KIF2A: variants seen among roughly 807,000 people sequenced by gnomAD.
The protein encoded by KIF2A is kinesin family member 2A.
In KIF2A, 22 loss-of-function variants were observed where a neutral mutation model predicts 100.2. The observed-to-expected ratio is 0.22, with a 90% CI of 0.16 to 0.31. The LOEUF is 0.31. Among genes scored for constraint, KIF2A ranks in the 10% least tolerant of loss-of-function variants. The probability of loss-of-function intolerance (pLI) is 1.00; values close to 1 mark genes in which losing one functional copy is unlikely to be tolerated. For missense variants in KIF2A, 495 were observed against 898.7 expected (o/e 0.55, Z 5.74); for synonymous variants, 268 against 285.9 (o/e 0.94, Z 0.63).
In KIF2A at chr5:62,351,983, G is replaced by A. The variant is rs139958635; in HGVS notation, c.335-605G>A. On this transcript the variant is annotated intron_variant, in intron 4 of 20. Coordinates refer to ENST00000407818, the MANE Select transcript of KIF2A (RefSeq NM_001098511.3). ...AGCCTGACCAATATGGTGAAACCTC[G>A]TCTCTACTAAAATTACAAAAATGAG... 9.7e-3 allele frequency among the ~76,000 whole-genome samples: 1,472 copies of A among 152,016 alleles called. 29 individuals carry two copies. Among genetic ancestry groups the A allele is most frequent in the African/African-American group, 0.034 (1,416 of 41,476 alleles).
intron 1 of KIF2A, among the ~76,000 whole-genome samples, chr5:62,337,321 C>G (rs1747014176): frequency 6.6e-6 from 1 of 151,870 alleles, no homozygotes. Flanking sequence ...GTGAAACCCC[C>G]TCTCTACTAA....
In KIF2A at chr5:62,347,180, G is replaced by A. The variant is rs922141597; in HGVS notation, c.115G>A (p.Val39Ile). ...VTSLNEDNES[V>I]TVEWIENGDT... ...ATCTTTAAATGAAGATAATGAAAGT[G>A]TAACTGTTGAATGGATAGAAAATGG... Residue 39 changes from valine to isoleucine, a missense_variant, in exon 2 of 21, where the codon GTA (valine) becomes ATA (isoleucine). Coordinates refer to ENST00000407818, the MANE Select transcript of KIF2A (RefSeq NM_001098511.3). 1.9e-6 allele frequency: 3 copies of A among 1,602,724 alleles called. No homozygotes were observed. Among genetic ancestry groups the A allele is most frequent in the Admixed American group, 1.7e-5 (1 of 59,056 alleles).
chr5:62,366,991 A>ATT (rs955671823), intron 16 of KIF2A, among the ~76,000 whole-genome samples: 3 of 152,104 alleles, frequency 2.0e-5, no homozygotes, highest in Admixed American at 2.0e-4. Flanking sequence ...TTGGGAAGGG[A>ATT]TTGATAACTT....
intron 4 of KIF2A, 23 bp downstream of exon 4, chr5:62,350,143 A>G: frequency 1.4e-6 from 2 of 1,412,868 alleles, no homozygotes; most frequent in Non-Finnish European, 2.0e-6. Context: ...TTTATCTCTT[A>G]ATTTTGGCTA....
intron 20 of KIF2A, among the ~76,000 whole-genome samples, chr5:62,381,845 G>A (rs1230249216): frequency 3.3e-5 from 5 of 152,236 alleles, no homozygotes; most frequent in African/African-American, 1.2e-4. Flanking sequence ...TTACAGGCAT[G>A]AGCCACCACA....
intron 1 of KIF2A, among the ~76,000 whole-genome samples, chr5:62,324,908 A>G (rs1298075237): frequency 6.6e-6 from 1 of 152,242 alleles, no homozygotes; most frequent in Non-Finnish European, 1.5e-5. Context: ...CAGAGTAAAC[A>G]GACAACCTAC....
At chr5:62,330,694 T>C (rs1216160945) in intron 1 of KIF2A, among the ~76,000 whole-genome samples, 1 of 152,216 alleles carries the variant, frequency 6.6e-6, no homozygotes, top group East Asian at 1.9e-4. Flanking sequence ...ATAACTAGAT[T>C]TTATTAGCAT....
chr5:62,338,521 C>T (rs264519), intron 1 of KIF2A, among the ~76,000 whole-genome samples: 77,991 of 151,972 alleles, frequency 0.51, 20,940 homozygotes, highest in South Asian at 0.65. Context: ...AACTCCTAAT[C>T]TCAAGTGATC....
Position 62,374,755 on chromosome 5 carries a change from C to T in KIF2A, c.1911+918C>T, listed in dbSNP as rs576289570. Among the ~76,000 whole-genome samples the T allele has an allele frequency of 2.6e-5, 4 of 152,192 alleles. No homozygotes were observed. The South Asian group carries it at 8.3e-4, about 32-fold the overall frequency. On this transcript the variant is annotated intron_variant, in intron 18 of 20. Coordinates refer to ENST00000407818, the MANE Select transcript of KIF2A (RefSeq NM_001098511.3). ...GACCAGCCTGGCCAACATGGTAAAA[C>T]CTGTGTCTACTAACTACAAAAATTA...
chr5:62,363,384 A>ATTTTGTTAT, intron 13 of KIF2A, 64 bp downstream of exon 13: 1 of 1,424,572 alleles, frequency 7.0e-7, no homozygotes, highest in Non-Finnish European at 9.6e-7. Flanking sequence ...CAGTATAACA[A>ATTTTGTTAT]AATGAGGATG....
At position 62,350,107 on chromosome 5, in the gene KIF2A, A is replaced by G. The variant is rs1747776323; in HGVS notation, c.321A>G (p.Ser107=). ...TVASIKNDPP[S]RDNRVVGSAR... is the part of the protein sequence containing the mutation. Reference sequence around the variant, plus strand: ...CTTCTATTAAGAATGACCCTCCTTCAAGAGATAATAGAGGTAAAGTAAAAA... The same window carrying G: ...CTTCTATTAAGAATGACCCTCCTTCGAGAGATAATAGAGGTAAAGTAAAAA... The change falls in exon 4 of 21, where the codon TCA becomes TCG. Residue 107 remains serine, a synonymous_variant. Coordinates refer to ENST00000407818, the MANE Select transcript of KIF2A (RefSeq NM_001098511.3). The G allele has an allele frequency of 2.5e-6, 4 of 1,583,644 alleles. No homozygotes were observed. The highest frequency in any genetic ancestry group is 1.8e-5 in the Admixed American group (1 of 55,504).
At chr5:62,339,498 G>T (rs1166688262) in intron 1 of KIF2A, among the ~76,000 whole-genome samples, 2 of 80,788 alleles carry the variant, frequency 2.5e-5, no homozygotes, top group African/African-American at 4.9e-5. Flanking sequence ...GAAGAGAAAA[G>T]TTTTATATAT....
intron 1 of KIF2A, among the ~76,000 whole-genome samples, chr5:62,315,948 G>A (rs1047462537): frequency 2.0e-5 from 3 of 152,114 alleles, no homozygotes; most frequent in African/African-American, 7.2e-5. Context: ...CTGAATAAAG[G>A]GCAGATGAGT....
At chr5:62,345,320 G>A (rs950995763) in intron 1 of KIF2A, among the ~76,000 whole-genome samples, 3 of 151,616 alleles carry the variant, frequency 2.0e-5, no homozygotes, top group East Asian at 3.9e-4. Flanking sequence ...CCCCAGACAC[G>A]GAGGTTGTGG....
intron 18 of KIF2A, among the ~76,000 whole-genome samples, chr5:62,374,351 A>C (rs769996249): frequency 2.6e-5 from 4 of 152,208 alleles, no homozygotes; most frequent in Non-Finnish European, 5.9e-5. Context: ...CTTACCTACC[A>C]TAACAGCAGT....
At chr5:62,379,594 G>A (rs555088166) in intron 19 of KIF2A, among the ~76,000 whole-genome samples, 107 of 151,658 alleles carry the variant, frequency 7.1e-4, no homozygotes, top group Middle Eastern at 3.4e-3. Flanking sequence ...CCCAGCAGGC[G>A]GAGGTTGCAG....
In KIF2A at chr5:62,372,315, A is replaced by G. The variant is rs78975973; in HGVS notation, c.1647-123A>G. The G allele has an allele frequency of 5.2e-3, 3,402 of 650,468 alleles. 82 individuals carry two copies. The African/African-American group carries it at 0.058, about 11-fold the overall frequency. The allele number at this position is 650,468 out of a possible 1,614,324, so 40.3% of individuals were successfully genotyped here. A position where few individuals can be genotyped will look rare whatever the true frequency, so the allele number is the denominator to read the frequency against. Reference sequence around the variant, plus strand: ...ATTTGTAAAATAATATTCTAAATACATTGTCACAACAATATCAATATCCTT... The same window carrying G: ...ATTTGTAAAATAATATTCTAAATACGTTGTCACAACAATATCAATATCCTT... On this transcript the variant is annotated intron_variant, in intron 16 of 20. Transcript: ENST00000407818.
Position 62,388,818 on chromosome 5 carries a change from T to A in KIF2A, c.*3249T>A. The A allele has an allele frequency of 1.6e-6, 1 of 609,668 alleles. No individual in the cohort carries two copies. The highest frequency in any genetic ancestry group is 2.9e-6 in the Non-Finnish European group (1 of 341,154). 37.8% of individuals were successfully genotyped at this position (609,668 alleles called of 1,614,324 possible). A position where few individuals can be genotyped will look rare whatever the true frequency, so the allele number is the denominator to read the frequency against. ...AATAGATTGGACCAGCATTATATAT[T>A]AAAAACTTTGATACTTAGAACTTTC... On this transcript the variant is annotated 3_prime_UTR_variant, in exon 21 of 21. Coordinates refer to ENST00000407818, the MANE Select transcript of KIF2A (RefSeq NM_001098511.3).
chr5:62,318,007 A>G (rs1745905441), intron 1 of KIF2A, among the ~76,000 whole-genome samples: 1 of 152,238 alleles, frequency 6.6e-6, no homozygotes, highest in African/African-American at 2.4e-5. Context: ...CAATATTGTC[A>G]GGAAAATAGT....
Sources: allele counts gnomAD v4.1 joint callset (sites outside exome capture counted in the v4.1 genomes callset), GRCh38; gene constraint gnomAD v4.1.1; transcripts MANE v1.5; gene names NCBI Gene and HGNC (gene_info 2026-07-23, HGNC 2026-07-21).